Variants in KRT19 observed in about 807,000 individuals in gnomAD.
KRT19 encodes the protein keratin 19.
KRT19 carries 21 observed loss-of-function variants against 34.6 expected under a neutral mutation model. That is an observed-to-expected ratio of 0.61 (90% CI 0.43 to 0.87). The LOEUF is 0.87. Among genes scored for constraint, KRT19 ranks in the 40% least tolerant of loss-of-function variants. The pLI is 0.00. For missense variants in KRT19, 514 were observed against 545.7 expected (o/e 0.94, Z 0.58); for synonymous variants, 240 against 245.8 (o/e 0.98, Z 0.22).
rs553972982 is a variant in KRT19, at chr17:41,523,896, G to A, written c.1050C>T (p.Gly350=). 1.9e-4 allele frequency: 310 copies of A among 1,613,944 alleles called. No homozygotes were observed. The highest frequency in any genetic ancestry group is 2.3e-4 in the Non-Finnish European group (275 of 1,180,052). The change falls in exon 6 of 6, where the codon GGC becomes GGT. Residue 350 remains glycine, a synonymous_variant. Coordinates refer to ENST00000361566, the MANE Select transcript of KRT19 (RefSeq NM_002276.5). ...GCCGCTCACTATCAGCTCGCACATC[G>A]CCCAGCTGGGCTTCAATACCGCTGA... ...ALISGIEAQL[G]DVRADSERQN... is the part of the protein sequence containing the mutation.
chr17:41,526,283 GTTT>G, intron 1 of KRT19, among the ~76,000 whole-genome samples: 1 of 152,158 alleles, frequency 6.6e-6, no homozygotes, highest in African/African-American at 2.4e-5. Context: ...CGATTGTGTA[GTTT>G]TTTAATGCAA....
chr17:41,528,167 C>T lies in KRT19; in HGVS notation c.81G>A (p.Pro27=), dbSNP rs543003088. 3.8e-6 allele frequency: 6 copies of T among 1,593,652 alleles called. No individual in the cohort carries two copies. The East Asian group carries it at 1.1e-4, about 30-fold the overall frequency. ...TGCTGGGCGCGCGAAAGGCGACCCC[C>T]GGCCCAAAACGCACGGAGCCGCCGC... ...GLGGGSVRFG[P]GVAFRAPSIH... is the part of the protein sequence containing the mutation. Residue 27 remains proline (P), a synonymous_variant, in exon 1 of 6, where the codon CCG becomes CCA. Transcript: ENST00000361566.
chr17:41,524,762 G>T, intron 3 of KRT19, 81 bp downstream of exon 3: 1 of 1,508,114 alleles, frequency 6.6e-7, no homozygotes, highest in Non-Finnish European at 9.2e-7. Context: ...GTGTTACCAC[G>T]GTCAGAGAAT....
chr17:41,528,158 G>A lies in KRT19; in HGVS notation c.90C>T (p.Ala30=), dbSNP rs11550883. The A allele has an allele frequency of 0.64, 1,016,824 of 1,595,014 alleles. 329,130 individuals are homozygous for A. The highest frequency in any genetic ancestry group is 0.93 in the East Asian group (41,506 of 44,566). ...CCCCGTGAATGCTGGGCGCGCGAAA[G>A]GCGACCCCCGGCCCAAAACGCACGG... is the stretch of plus-strand genomic sequence containing the variant. ...GGSVRFGPGV[A]FRAPSIHGGS... is the part of the protein sequence containing the mutation. The change falls in exon 1 of 6, where the codon GCC becomes GCT. Residue 30 remains alanine, a synonymous_variant. Coordinates refer to ENST00000361566, the MANE Select transcript of KRT19 (RefSeq NM_002276.5).
At chr17:41,525,960 T>G (rs541995073) in intron 1 of KRT19, among the ~76,000 whole-genome samples, 178 of 150,896 alleles carry the variant, frequency 1.2e-3, no homozygotes, top group African/African-American at 3.7e-3. Context: ...TTTGGGGGGG[T>G]TTTTTGGTTT....
At position 41,523,756 on chromosome 17, in the gene KRT19, G is replaced by A. The variant is rs367707598; in HGVS notation, c.1190C>T (p.Ser397Phe). ...QEDHYNNLSA[S>F]KVL ...GAGCCTGCTGCCTCAGAGGACCTTG[G>A]AGGCAGACAAATTGTTGTAGTGATC... The change falls in exon 6 of 6, where the codon TCC becomes TTC. Residue 397 changes from serine to phenylalanine, a missense_variant. Ser to Phe is a radical substitution (Grantham distance 155, BLOSUM62 -2). Transcript: ENST00000361566. 1 of 1,613,828 alleles carries A rather than the reference G, an allele frequency of 6.2e-7. No homozygotes were observed.
At chr17:41,526,288 T>C (rs553203841) in intron 1 of KRT19, among the ~76,000 whole-genome samples, 2 of 152,220 alleles carry the variant, frequency 1.3e-5, no homozygotes, top group African/African-American at 4.8e-5. Context: ...GTGTAGTTTT[T>C]TAATGCAACA....
chr17:41,524,361 C>A lies in KRT19; in HGVS notation c.822+18G>T, dbSNP rs918816810. The A allele has an allele frequency of 5.6e-6, 9 of 1,613,878 alleles. No homozygotes were observed. The highest frequency in any genetic ancestry group is 6.8e-6 in the Non-Finnish European group (8 of 1,179,764). On this transcript the variant is annotated intron_variant, in intron 4 of 5. Transcript: ENST00000361566. Reference sequence around the variant, plus strand: ...CCCCTTCCTAACCCCCAAAGGGTGCCTGCTTCCCTCTACCTACCCGGCTGG... The same window carrying A: ...CCCCTTCCTAACCCCCAAAGGGTGCATGCTTCCCTCTACCTACCCGGCTGG...
At chr17:41,527,709 G>T in intron 1 of KRT19, 119 bp downstream of exon 1, 3 of 1,128,620 alleles carry the variant, frequency 2.7e-6, no homozygotes, top group Non-Finnish European at 3.7e-6. Flanking sequence ...CCCACCTGTG[G>T]ACCTTCCCAC....
rs1049547 is a variant in KRT19, at chr17:41,523,731, G to A, written c.*12C>T. On this transcript the variant is annotated 3_prime_UTR_variant, in exon 6 of 6. Transcript: ENST00000361566. ...CCTCCAAAGGACAGCAGAAGCCCCA[G>A]AGCCTGCTGCCTCAGAGGACCTTGG... is the stretch of plus-strand genomic sequence containing the variant. The A allele has an allele frequency of 4.7e-5, 75 of 1,612,864 alleles. No homozygotes were observed. Among genetic ancestry groups the A allele is most frequent in the Non-Finnish European group, 6.1e-5 (72 of 1,179,222 alleles).
At chr17:41,525,088 G>A (rs1905814186) in intron 2 of KRT19, 89 bp from the exon 3 acceptor site, 2 of 1,580,978 alleles carry the variant, frequency 1.3e-6, no homozygotes, top group African/African-American at 2.7e-5. Flanking sequence ...AGTCCATAGG[G>A]GGGTTAGCTT....
chr17:41,526,733 A>T (rs1905881547), intron 1 of KRT19, among the ~76,000 whole-genome samples: 1 of 151,772 alleles, frequency 6.6e-6, no homozygotes, highest in Non-Finnish European at 1.5e-5. Flanking sequence ...CACCACGCCC[A>T]GCTAATTTTT....
Position 41,523,627 on chromosome 17 carries a change from C to A in KRT19, c.*116G>T. On this transcript the variant is annotated 3_prime_UTR_variant, in exon 6 of 6. Coordinates refer to ENST00000361566, the MANE Select transcript of KRT19 (RefSeq NM_002276.5). The stretch of plus-strand genomic sequence containing the variant: ...ACCAAACGTCCTTCCTCCCTTGGAC[C>A]ATAAATTTTTATTGGCAGGTCAGGA... The A allele has an allele frequency of 9.8e-7, 1 of 1,021,614 alleles. No homozygotes were observed. The highest frequency in any genetic ancestry group is 1.4e-6 in the Non-Finnish European group (1 of 689,852). The allele number at this position is 1,021,614 out of a possible 1,614,324, so 63.3% of individuals were successfully genotyped here.
At position 41,524,809 on chromosome 17, in the gene KRT19, G is replaced by A. The variant is rs199883603; in HGVS notation, c.660+34C>T. The stretch of plus-strand genomic sequence containing the variant: ...GAGTCTTCAGCCCTGGGAGGTTAGG[G>A]AAGGATGGAAGAAAGGCCCAGCTTC... On this transcript the variant is annotated intron_variant, in intron 3 of 5. Transcript: ENST00000361566. 134 of 1,611,394 alleles carry A rather than the reference G, an allele frequency of 8.3e-5. 1 individual carries two copies. The Admixed American group carries it at 1.4e-3, about 17-fold the overall frequency.
At chr17:41,527,161 C>G (rs951001241) in intron 1 of KRT19, among the ~76,000 whole-genome samples, 2 of 152,160 alleles carry the variant, frequency 1.3e-5, no homozygotes, top group African/African-American at 4.8e-5. Flanking sequence ...TGACGCAGAT[C>G]CGTTCTTTCC....
rs770266505 is a variant in KRT19, at chr17:41,528,015, C to G, written c.233G>C (p.Gly78Ala). 5 of 1,612,970 alleles carry G rather than the reference C, an allele frequency of 3.1e-6. No individual in the cohort carries two copies. Among genetic ancestry groups the G allele is most frequent in the Non-Finnish European group, 2.5e-6 (3 of 1,179,794 alleles). ...GTTCTGCATGGTTAGCTTCTCGTTG[C>G]CCGCCAGCAGCCCGTCGGACGCGGT... ...VLTASDGLLAGNEKLTMQNLN... is the reference protein window; with the variant it reads ...VLTASDGLLAANEKLTMQNLN... The change falls in exon 1 of 6, where the codon GGC becomes GCC. Residue 78 changes from glycine (G) to alanine (A), a missense_variant. Gly to Ala is a moderately conservative substitution (Grantham distance 60). Transcript: ENST00000361566.
Position 41,528,302 on chromosome 17 carries a change from G to C in KRT19, c.-55C>G. 1 of 1,471,860 alleles carries C rather than the reference G, an allele frequency of 6.8e-7. No homozygotes were observed. The highest frequency in any genetic ancestry group is 1.4e-5 in the South Asian group (1 of 71,214). 91.2% of individuals were successfully genotyped at this position (1,471,860 alleles called of 1,614,324 possible). A position where few individuals can be genotyped will look rare whatever the true frequency, so the allele number is the denominator to read the frequency against. ...TGGTCTCAGAAGCTGCGATTCGCGG[G>C]AGGAGCGGCGAGGCCCTCACCTGGC... is the stretch of plus-strand genomic sequence containing the variant. On this transcript the variant is annotated 5_prime_UTR_variant, in exon 1 of 6. Transcript: ENST00000361566.
In KRT19 at chr17:41,527,071, C is replaced by T. The variant is rs535616937; in HGVS notation, c.420+757G>A. 2.0e-5 allele frequency among the ~76,000 whole-genome samples: 3 copies of T among 152,174 alleles called. No homozygotes were observed. In the East Asian group the frequency reaches 5.8e-4, roughly 30 times the overall value. ...TGGCTTCTGATACATTTCTTTACGA[C>T]TCGAAAAATTTCTCCTTCCCTCTGG... On this transcript the variant is annotated intron_variant, in intron 1 of 5. Transcript: ENST00000361566.
Position 41,524,341 on chromosome 17 carries a change from T to C in KRT19, c.822+38A>G, listed in dbSNP as rs201732605. ...CGTAGGGAACACAAAGCCCTCCCCT[T>C]CCTAACCCCCAAAGGGTGCCTGCTT... On this transcript the variant is annotated intron_variant, in intron 4 of 5. Transcript: ENST00000361566. 294 of 1,612,362 alleles carry C rather than the reference T, an allele frequency of 1.8e-4. 1 individual carries two copies. The Middle Eastern group carries it at 2.8e-3, about 15-fold the overall frequency.
Sources: gnomAD v4.1 joint callset for allele counts (sites outside exome capture counted in the v4.1 genomes callset) on GRCh38, gnomAD v4.1.1 for gene constraint, MANE v1.5 for transcripts, NCBI Gene and HGNC (gene_info 2026-07-23, HGNC 2026-07-21) for gene names.